OTOP1: variants seen among roughly 807,000 people sequenced by gnomAD.
The protein encoded by OTOP1 is otopetrin 1, also known as proton channel OTOP1.
OTOP1 carries 59 observed loss-of-function variants against 52.9 expected under a neutral mutation model. The ratio of observed to expected loss-of-function variants is 1.12; its 90% confidence interval spans 0.91 to 1.39. The LOEUF (loss-of-function observed/expected upper bound fraction) is 1.39, where lower values mean the gene tolerates loss of function less well. Among genes scored for constraint, OTOP1 ranks in the 40% most tolerant of loss-of-function variants. OTOP1 has a pLI of 0.00. For missense variants in OTOP1, 761 were observed against 800.9 expected (o/e 0.95, Z 0.60); for synonymous variants, 317 against 337.7 (o/e 0.94, Z 0.67).
Position 4,224,772 on chromosome 4 carries a change from A to G in OTOP1, c.403+1690T>C, listed in dbSNP as rs191282957. Reference sequence around the variant, plus strand: ...AAAATCTCTTCTGGATGGTAAGGCTAATATCCAACAGTCATAATACAAGGC... The same window carrying G: ...AAAATCTCTTCTGGATGGTAAGGCTGATATCCAACAGTCATAATACAAGGC... On this transcript the variant is annotated intron_variant, in intron 1 of 5. Transcript: ENST00000296358. 1.2e-3 allele frequency among the ~76,000 whole-genome samples: 178 copies of G among 152,362 alleles called. 1 individual carries two copies. The highest frequency in any genetic ancestry group is 4.0e-3 in the African/African-American group (165 of 41,584).
At chr4:4,192,425 T>C (rs1157205181) in intron 5 of OTOP1, among the ~76,000 whole-genome samples, 1 of 152,124 alleles carries the variant, frequency 6.6e-6, no homozygotes, top group Non-Finnish European at 1.5e-5. Flanking sequence ...AAGCCATGAG[T>C]CACAATAAAT....
At chr4:4,219,182 G>A (rs1717215590) in intron 1 of OTOP1, among the ~76,000 whole-genome samples, 1 of 152,126 alleles carries the variant, frequency 6.6e-6, no homozygotes, top group Non-Finnish European at 1.5e-5. Flanking sequence ...CCACTAAGTA[G>A]TAAGCAAGAA....
intron 1 of OTOP1, among the ~76,000 whole-genome samples, chr4:4,213,440 G>A (rs1350857383): frequency 3.3e-5 from 5 of 152,180 alleles, no homozygotes; most frequent in Admixed American, 6.5e-5. Context: ...CACTACCAAC[G>A]AAGCGGAAAG....
intron 1 of OTOP1, among the ~76,000 whole-genome samples, chr4:4,214,697 A>C (rs550330839): frequency 6.6e-6 from 1 of 152,236 alleles, no homozygotes; most frequent in East Asian, 1.9e-4. Flanking sequence ...AATAAACTCA[A>C]CCACCAAAGG....
intron 1 of OTOP1, among the ~76,000 whole-genome samples, chr4:4,220,163 C>T (rs1310831371): frequency 2.2e-5 from 3 of 137,876 alleles, no homozygotes; most frequent in Non-Finnish European, 3.0e-5. Context: ...AGTGCAATGG[C>T]GCAAGCTCTG....
chr4:4,203,273 T>A (rs1716827870), intron 3 of OTOP1, among the ~76,000 whole-genome samples: 1 of 152,236 alleles, frequency 6.6e-6, no homozygotes, highest in African/African-American at 2.4e-5. Flanking sequence ...GGTGGCCATC[T>A]TATGACCATG....
chr4:4,190,208 C>A (rs1351059383), intron 5 of OTOP1, among the ~76,000 whole-genome samples: 3 of 152,222 alleles, frequency 2.0e-5, no homozygotes, highest in African/African-American at 7.2e-5. Context: ...CACAGTGGCT[C>A]ACACCTATAA....
chr4:4,218,928 C>CA (rs1159666646), intron 1 of OTOP1, among the ~76,000 whole-genome samples: 50 of 136,730 alleles, frequency 3.7e-4, no homozygotes, highest in Middle Eastern at 3.6e-3. Flanking sequence ...GACTCCGTCT[C>CA]AAAAAAAAAA....
Position 4,203,723 on chromosome 4 carries a change from G to T in OTOP1, c.600-1145C>A, listed in dbSNP as rs926722553. Among the ~76,000 whole-genome samples, 3 of 152,208 alleles carry T rather than the reference G, an allele frequency of 2.0e-5. No homozygotes were observed. The South Asian group carries it at 6.2e-4, about 32-fold the overall frequency. On this transcript the variant is annotated intron_variant, in intron 3 of 5. Transcript: ENST00000296358. ...TAGCAATGTGCCTCACAGGTAGCAC[G>T]TGCAGCAAACACTGGTGATTTGAGA...
intron 3 of OTOP1, among the ~76,000 whole-genome samples, chr4:4,205,199 C>G (rs1424422264): frequency 6.6e-6 from 1 of 152,216 alleles, no homozygotes; most frequent in Non-Finnish European, 1.5e-5. Flanking sequence ...AGTAACAGAT[C>G]CTACACTTGC....
intron 1 of OTOP1, among the ~76,000 whole-genome samples, chr4:4,225,004 G>T (rs1225589111): frequency 6.6e-6 from 1 of 152,250 alleles, no homozygotes; most frequent in Non-Finnish European, 1.5e-5. Context: ...CCATTCTACA[G>T]ATGCTGAAAC....
chr4:4,196,237 A>G (rs756259857), intron 5 of OTOP1, among the ~76,000 whole-genome samples: 9 of 151,406 alleles, frequency 5.9e-5, no homozygotes, highest in Non-Finnish European at 1.2e-4. Flanking sequence ...TGGGCAGCAC[A>G]GTGAGAACCT....
At chr4:4,218,348 C>T (rs947025330) in intron 1 of OTOP1, among the ~76,000 whole-genome samples, 21 of 148,988 alleles carry the variant, frequency 1.4e-4, no homozygotes, top group South Asian at 6.4e-4. Context: ...ACCGAGATTG[C>T]GCCATTGCAC....
intron 2 of OTOP1, among the ~76,000 whole-genome samples, chr4:4,208,195 C>T (rs769891827): frequency 2.6e-5 from 4 of 152,210 alleles, no homozygotes; most frequent in Non-Finnish European, 5.9e-5. Context: ...AAATTCAACA[C>T]AGCTATTTTA....
At position 4,197,391 on chromosome 4, in the gene OTOP1, A is replaced by C; in HGVS notation, c.1443T>G (p.Ser481Arg). 1 of 1,612,778 alleles carries C rather than the reference A, an allele frequency of 6.2e-7. No individual in the cohort carries two copies. The change falls in exon 5 of 6, where the codon AGT becomes AGG. Residue 481 changes from serine (S) to arginine (R), a missense_variant. Ser to Arg is a moderately radical substitution (Grantham distance 110, BLOSUM62 -1). Coordinates refer to ENST00000296358, the MANE Select transcript of OTOP1 (RefSeq NM_177998.3). ...GAGCCACATCTCTGGCCACACCTCC[A>C]CTCTTGGGGCAGGAAGAAGCAAGGG... ...TMPLASSCPKSGGVARDVAPQ... is the reference protein window; with the variant it reads ...TMPLASSCPKRGGVARDVAPQ...
chr4:4,224,489 G>A (rs1192110168), intron 1 of OTOP1, among the ~76,000 whole-genome samples: 1 of 152,142 alleles, frequency 6.6e-6, no homozygotes, highest in East Asian at 1.9e-4. Flanking sequence ...GAACAAAAAA[G>A]GGGCTTTGAC....
chr4:4,225,618 C>T (rs1717412778), intron 1 of OTOP1, among the ~76,000 whole-genome samples: 1 of 151,360 alleles, frequency 6.6e-6, no homozygotes, highest in African/African-American at 2.4e-5. Context: ...GAGCTCCTAT[C>T]TTGACAATTT....
At chr4:4,203,678 T>C (rs7666678) in intron 3 of OTOP1, among the ~76,000 whole-genome samples, 121 of 152,336 alleles carry the variant, frequency 7.9e-4, no homozygotes, top group African/African-American at 2.9e-3. Flanking sequence ...TGTATTCACA[T>C]TGGTAGCTTT....
chr4:4,225,558 CA>C (rs1717410142), intron 1 of OTOP1, among the ~76,000 whole-genome samples: 1 of 93,902 alleles, frequency 1.1e-5, no homozygotes, highest in African/African-American at 5.7e-5. Flanking sequence ...GATAGAGCAA[CA>C]TTGTCTCAAA....
Sources: gnomAD v4.1 joint callset for allele counts (sites outside exome capture counted in the v4.1 genomes callset) on GRCh38, gnomAD v4.1.1 for gene constraint, MANE v1.5 for transcripts, NCBI Gene and HGNC (gene_info 2026-07-23, HGNC 2026-07-21) for gene names.